PIGX: variants seen among roughly 807,000 people sequenced by gnomAD.
PIGX encodes the protein phosphatidylinositol glycan anchor biosynthesis class X, also known as GPI alpha-1,4-mannosyltransferase I, stabilizing subunit.
PIGX carries 24 observed loss-of-function variants against 28.7 expected under a neutral mutation model. The ratio of observed to expected loss-of-function variants is 0.84; its 90% CI spans 0.60 to 1.17. The LOEUF is 1.17. Among genes scored for constraint, PIGX ranks in the 50% most tolerant of loss-of-function variants. The probability of loss-of-function intolerance (pLI) is 0.00; values close to 1 mark genes in which losing one functional copy is unlikely to be tolerated. For missense variants in PIGX, 305 were observed against 317.8 expected, an observed-to-expected ratio of 0.96 and a Z score of 0.31; for synonymous variants, 127 against 121.0, an observed-to-expected ratio of 1.05 and a Z score of -0.33.
At chr3:196,714,351 C>G (rs1286755467) in intron 1 of PIGX, among the ~76,000 whole-genome samples, 2 of 152,108 alleles carry the variant, frequency 1.3e-5, no homozygotes, top group Non-Finnish European at 2.9e-5. Context: ...ATAATCCTAG[C>G]TACTTGGGAG....
At chr3:196,723,257 C>G (rs1290977476) in intron 3 of PIGX, among the ~76,000 whole-genome samples, 1 of 152,230 alleles carries the variant, frequency 6.6e-6, no homozygotes, top group East Asian at 1.9e-4. Flanking sequence ...CGGAGAATCA[C>G]TTGAACCTGG....
At chr3:196,718,240 G>A (rs1216335504) in intron 2 of PIGX, among the ~76,000 whole-genome samples, 2 of 152,052 alleles carry the variant, frequency 1.3e-5, no homozygotes, top group East Asian at 3.9e-4. Flanking sequence ...AACCCGGGAG[G>A]CAGAGGTTGC....
chr3:196,712,584 G>A lies in PIGX; in HGVS notation c.52G>A (p.Ala18Thr). 2 of 1,190,692 alleles carry A rather than the reference G, an allele frequency of 1.7e-6. No homozygotes were observed. Among genetic ancestry groups the A allele is most frequent in the Non-Finnish European group, 2.1e-6 (2 of 961,476 alleles). 73.8% of individuals were successfully genotyped at this position (1,190,692 alleles called of 1,614,324 possible). ...GGCGGCCGCCTGGCTGCTCCTCGGG[G>A]CGGCGACCGGGCTCACGCGCGGGCC... Residue 18 changes from alanine (A) to threonine (T), a missense_variant, in exon 1 of 6, where the codon GCG becomes ACG. By Grantham distance (58) the Ala-to-Thr change is moderately conservative. Transcript: ENST00000392391.
At chr3:196,732,211 A>ATTAT (rs1272352714) in intron 5 of PIGX, among the ~76,000 whole-genome samples, 1,759 of 75,474 alleles carry the variant, frequency 0.023, 48 homozygotes, top group Non-Finnish European at 0.032. Context: ...ATATGTATAT[A>ATTAT]TTATTTATAT....
In PIGX at chr3:196,716,844, T is replaced by G. The variant is rs771409308; in HGVS notation, c.113-14T>G. 6.7e-7 allele frequency: 1 copy of G among 1,492,066 alleles called. No homozygotes were observed. Among genetic ancestry groups the G allele is most frequent in the Non-Finnish European group, 9.1e-7 (1 of 1,098,078 alleles). The allele number at this position is 1,492,066 out of a possible 1,614,324, so 92.4% of individuals were successfully genotyped here. A position where few individuals can be genotyped will look rare whatever the true frequency, so the allele number is the denominator to read the frequency against. ...TGCTTTTGTTTTTAAAAAAAAATCG[T>G]TTGGTTCTTATAGGCATAAGGGCCA... On this transcript the variant is annotated splice_polypyrimidine_tract_variant and intron_variant, in intron 1 of 5. Transcript: ENST00000392391.
At position 196,732,247 on chromosome 3, in the gene PIGX, TATATATATA is replaced by T. The variant is rs1392808729; in HGVS notation, c.633+1156_633+1164del. Among the ~76,000 whole-genome samples the T allele has an allele frequency of 8.7e-3, 345 of 39,668 alleles. 3 individuals are homozygous for T. The highest frequency in any genetic ancestry group is 0.012 in the Non-Finnish European group (258 of 22,168). The allele number at this position is 39,668 out of a possible 152,430, so 26.0% of individuals were successfully genotyped here. A position where few individuals can be genotyped will look rare whatever the true frequency, so the allele number is the denominator to read the frequency against. On this transcript the variant is annotated intron_variant, in intron 5 of 5. Coordinates refer to ENST00000392391, the MANE Select transcript of PIGX (RefSeq NM_017861.4). ...ATATATATATATATATATATATATA[TATATATATA>T]TTTTATTTTATTTTATTTTTTTTTT...
chr3:196,712,619 C>A lies in PIGX; in HGVS notation c.87C>A (p.Ala29=). 1 of 1,190,098 alleles carries A rather than the reference C, an allele frequency of 8.4e-7. No individual in the cohort carries two copies. The highest frequency in any genetic ancestry group is 1.0e-6 in the Non-Finnish European group (1 of 961,008). The allele number at this position is 1,190,098 out of a possible 1,614,324, so 73.7% of individuals were successfully genotyped here. ...GGCTCACGCGCGGGCCCGCCGCGGC[C>A]TTCACCGCCGCGCGCTCTGACGCCG... Residue 29 remains alanine (A), a synonymous_variant, in exon 1 of 6, where the codon GCC becomes GCA. Transcript: ENST00000392391.
At chr3:196,714,282 A>G (rs1302366505) in intron 1 of PIGX, among the ~76,000 whole-genome samples, 1 of 152,102 alleles carries the variant, frequency 6.6e-6, no homozygotes, top group Non-Finnish European at 1.5e-5. Flanking sequence ...TGGAAAACAT[A>G]GCAAGACCCT....
At chr3:196,732,343 A>G (rs1218596251) in intron 5 of PIGX, among the ~76,000 whole-genome samples, 1 of 138,240 alleles carries the variant, frequency 7.2e-6, no homozygotes, top group African/African-American at 2.7e-5. Flanking sequence ...GTGCAGTGGC[A>G]CGATCTCGGC....
In PIGX at chr3:196,734,654, A is replaced by G. The variant is rs1712939133; in HGVS notation, c.*752A>G. 1 of 152,254 alleles carries G rather than the reference A, an allele frequency of 6.6e-6. No homozygotes were observed. The highest frequency in any genetic ancestry group is 1.5e-5 in the Non-Finnish European group (1 of 68,040). The allele number at this position is 152,254 out of a possible 1,614,324, so 9.4% of individuals were successfully genotyped here. ...GTCATGAGACTATTAAAGATGTGCCAGAGTTTCAATGAAAATCATTAAAGT... is the reference window on the plus strand; with the variant it reads ...GTCATGAGACTATTAAAGATGTGCCGGAGTTTCAATGAAAATCATTAAAGT... On this transcript the variant is annotated 3_prime_UTR_variant, in exon 6 of 6. Transcript: ENST00000392391.
rs1418269462 is a variant in PIGX at position 196,712,460 on chromosome 3, C to A, written c.-73C>A. On this transcript the variant is annotated 5_prime_UTR_variant, in exon 1 of 6. Transcript: ENST00000392391. ...CTGGGGCAGCGCGCGGTAGGAGCTG[C>A]GGGCGGCCAGGCCCCTTCCTGCGTC... 3.0e-6 allele frequency: 2 copies of A among 665,346 alleles called. No homozygotes were observed. The highest frequency in any genetic ancestry group is 2.0e-6 in the Non-Finnish European group (1 of 497,424). 41.2% of individuals were successfully genotyped at this position (665,346 alleles called of 1,614,324 possible).
intron 3 of PIGX, among the ~76,000 whole-genome samples, chr3:196,725,599 C>T (rs757578722): frequency 3.9e-5 from 6 of 152,200 alleles, no homozygotes; most frequent in African/African-American, 7.2e-5. Flanking sequence ...GGCAGAACTG[C>T]AGAAATAACA....
At chr3:196,732,642 A>G (rs1014473325) in intron 5 of PIGX, among the ~76,000 whole-genome samples, 5 of 152,084 alleles carry the variant, frequency 3.3e-5, no homozygotes. Context: ...CTAAGGTGGT[A>G]TTCCATCCCA....
chr3:196,729,728 G>T (rs1307896205), intron 4 of PIGX, among the ~76,000 whole-genome samples: 1 of 151,182 alleles, frequency 6.6e-6, no homozygotes, highest in Non-Finnish European at 1.5e-5. Context: ...TCAGTTTTTG[G>T]TTCTTTGTGT....
rs898753319 is a variant in PIGX at position 196,712,443 on chromosome 3, G to C, written c.-90G>C. On this transcript the variant is annotated 5_prime_UTR_variant, in exon 1 of 6. Coordinates refer to ENST00000392391, the MANE Select transcript of PIGX (RefSeq NM_017861.4). Reference sequence around the variant, plus strand: ...GGTCCCAGCCGATAAATCTGGGGCAGCGCGCGGTAGGAGCTGCGGGCGGCC... The same window carrying C: ...GGTCCCAGCCGATAAATCTGGGGCACCGCGCGGTAGGAGCTGCGGGCGGCC... The C allele has an allele frequency of 5.6e-6, 3 of 537,494 alleles. No individual in the cohort carries two copies. Among genetic ancestry groups the C allele is most frequent in the Non-Finnish European group, 7.8e-6 (3 of 387,074 alleles). 33.3% of individuals were successfully genotyped at this position (537,494 alleles called of 1,614,324 possible).
At chr3:196,713,214 TC>T (rs1012929096) in intron 1 of PIGX, 6 of 427,636 alleles carry the variant, frequency 1.4e-5, no homozygotes, top group African/African-American at 1.3e-4. Flanking sequence ...ATCATTTAGA[TC>T]CGTTTAGTAT....
intron 5 of PIGX, among the ~76,000 whole-genome samples, chr3:196,732,214 A>ATT (rs1281693519): frequency 2.7e-4 from 9 of 33,108 alleles, no homozygotes; most frequent in South Asian, 1.1e-3. Flanking sequence ...TGTATATATT[A>ATT]TTTATATATA....
At chr3:196,715,958 G>A (rs958166402) in intron 1 of PIGX, among the ~76,000 whole-genome samples, 1 of 152,128 alleles carries the variant, frequency 6.6e-6, no homozygotes, top group Non-Finnish European at 1.5e-5. Context: ...TGGCAGAGTT[G>A]CTGGTCAATA....
rs1198825712 is a variant in PIGX at position 196,712,476 on chromosome 3, T to G, written c.-57T>G. 1 of 867,058 alleles carries G rather than the reference T, an allele frequency of 1.2e-6. No individual in the cohort carries two copies. The highest frequency in any genetic ancestry group is 1.8e-5 in the African/African-American group (1 of 56,080). 53.7% of individuals were successfully genotyped at this position (867,058 alleles called of 1,614,324 possible). ...TAGGAGCTGCGGGCGGCCAGGCCCC[T>G]TCCTGCGTCCGCACCTGGCCCCGCG... On this transcript the variant is annotated 5_prime_UTR_variant, in exon 1 of 6. Transcript: ENST00000392391.
Sources: gnomAD v4.1 joint callset for allele counts (sites outside exome capture counted in the v4.1 genomes callset) on GRCh38, gnomAD v4.1.1 for gene constraint, MANE v1.5 for transcripts, NCBI Gene and HGNC (gene_info 2026-07-23, HGNC 2026-07-21) for gene names.